The following NAA15 variants were observed in gnomAD, a reference collection of about 807,000 sequenced individuals.
The protein encoded by NAA15 is N-terminal acetyltransferase.
In NAA15, 34 loss-of-function variants were observed where a neutral mutation model predicts 114.0. The ratio of observed to expected loss-of-function variants is 0.30; its 90% CI spans 0.23 to 0.40. The LOEUF (loss-of-function observed/expected upper bound fraction) is 0.40. Among genes scored for constraint, NAA15 ranks in the 10% least tolerant of loss-of-function variants. The pLI is 1.00. For synonymous variants in NAA15, 340 were observed against 338.0 expected (o/e 1.01, Z -0.06); for missense variants, 658 against 1,004.5 (o/e 0.66, Z 4.66).
chr4:139,381,283 A>G (rs571266767), intron 17 of NAA15, among the ~76,000 whole-genome samples: 1 of 152,280 alleles, frequency 6.6e-6, no homozygotes, highest in East Asian at 1.9e-4. Flanking sequence ...ACTTAAAACA[A>G]TTACATTTCT....
intron 1 of NAA15, among the ~76,000 whole-genome samples, chr4:139,316,111 A>C (rs1314295571): frequency 6.6e-6 from 1 of 151,874 alleles, no homozygotes; most frequent in South Asian, 2.1e-4. Flanking sequence ...AAAGATTTAC[A>C]GATCTTTTCT....
intron 11 of NAA15, among the ~76,000 whole-genome samples, chr4:139,358,970 C>G (rs547991073): frequency 1.3e-5 from 2 of 151,792 alleles, no homozygotes; most frequent in African/African-American, 4.8e-5. Flanking sequence ...CAAAAATTAG[C>G]CAAGTGTGGT....
At chr4:139,327,237 AGTAAATCTT>A (rs1459549984) in intron 1 of NAA15, among the ~76,000 whole-genome samples, 3 of 151,848 alleles carry the variant, frequency 2.0e-5, no homozygotes, top group African/African-American at 7.3e-5. Context: ...GTGCCAGGCC[AGTAAATCTT>A]TGTTTGTTTA....
chr4:139,352,091 T>G (rs781487690), intron 9 of NAA15, among the ~76,000 whole-genome samples: 2 of 152,054 alleles, frequency 1.3e-5, no homozygotes, highest in Non-Finnish European at 2.9e-5. Flanking sequence ...TCAGAATGCT[T>G]CTTTAGAGGT....
rs951194670 is a variant in NAA15 at position 139,388,906 on chromosome 4, T to C, written c.*822T>C. The C allele has an allele frequency of 1.3e-5, 2 of 152,610 alleles. No individual in the cohort carries two copies. 9.5% of individuals were successfully genotyped at this position (152,610 alleles called of 1,614,324 possible). On this transcript the variant is annotated 3_prime_UTR_variant, in exon 20 of 20. Transcript: ENST00000296543. ...TGTGGCACCAACTAATTAGCAAGCA[T>C]GAATTTTTCACCCAAGAGTGAAAAA...
intron 1 of NAA15, among the ~76,000 whole-genome samples, chr4:139,329,412 A>T (rs1579097485): frequency 1.3e-5 from 2 of 152,114 alleles, no homozygotes; most frequent in South Asian, 4.2e-4. Context: ...TATAGGTTTT[A>T]TATTATTTTA....
chr4:139,346,544 C>CA (rs1281772692), intron 6 of NAA15, among the ~76,000 whole-genome samples: 64 of 134,796 alleles, frequency 4.7e-4, no homozygotes, highest in Middle Eastern at 3.5e-3. Context: ...CACAGTTAGG[C>CA]AAAAAAAAAA....
chr4:139,350,661 C>T (rs1490139871), intron 7 of NAA15, among the ~76,000 whole-genome samples: 3 of 152,140 alleles, frequency 2.0e-5, no homozygotes, highest in Non-Finnish European at 2.9e-5. Context: ...GATTTAGGAA[C>T]ACCAGCAAGG....
intron 16 of NAA15, among the ~76,000 whole-genome samples, chr4:139,377,030 A>G (rs965895095): frequency 2.6e-5 from 4 of 152,220 alleles, no homozygotes; most frequent in African/African-American, 9.6e-5. Context: ...TAGAATGCTT[A>G]GAATATATAT....
At chr4:139,342,398 A>G (rs1169996386) in intron 4 of NAA15, among the ~76,000 whole-genome samples, 1 of 151,448 alleles carries the variant, frequency 6.6e-6, no homozygotes, top group Non-Finnish European at 1.5e-5. Flanking sequence ...GCTACACAAT[A>G]TGGATGTTTG....
chr4:139,315,078 T>TAGTTTAGTTTAG (rs1253703101), intron 1 of NAA15, among the ~76,000 whole-genome samples: 6 of 144,984 alleles, frequency 4.1e-5, no homozygotes, highest in African/African-American at 1.3e-4. Context: ...TAGTTTAGTT[T>TAGTTTAGTTTAG]TTGAGACGGA....
intron 19 of NAA15, among the ~76,000 whole-genome samples, chr4:139,387,317 A>G (rs190453719): frequency 6.6e-6 from 1 of 152,322 alleles, no homozygotes; most frequent in Admixed American, 6.5e-5. Flanking sequence ...TGAAAGAATT[A>G]CTCATTTTCA....
At chr4:139,383,777 T>G (rs1328651056) in intron 17 of NAA15, among the ~76,000 whole-genome samples, 1 of 152,174 alleles carries the variant, frequency 6.6e-6, no homozygotes, top group African/African-American at 2.4e-5. Flanking sequence ...AGCCTATTTA[T>G]TAATAGGAAA....
intron 1 of NAA15, among the ~76,000 whole-genome samples, chr4:139,320,709 C>T (rs901123591): frequency 2.0e-5 from 3 of 152,166 alleles, no homozygotes; most frequent in East Asian, 1.9e-4. Context: ...TTAATAGAGA[C>T]GGGGTTTCAT....
At chr4:139,306,831 G>T (rs1746039404) in intron 1 of NAA15, among the ~76,000 whole-genome samples, 1 of 152,132 alleles carries the variant, frequency 6.6e-6, no homozygotes, top group Non-Finnish European at 1.5e-5. Context: ...ATTTTAACCT[G>T]CTTGGAAAAG....
chr4:139,373,851 A>G (rs1748510900), intron 15 of NAA15, among the ~76,000 whole-genome samples: 1 of 151,822 alleles, frequency 6.6e-6, no homozygotes, highest in Non-Finnish European at 1.5e-5. Flanking sequence ...GGCACATACC[A>G]CCACACCCAC....
chr4:139,310,930 A>ACTTT (rs1553992135), intron 1 of NAA15, among the ~76,000 whole-genome samples: 1 of 151,212 alleles, frequency 6.6e-6, no homozygotes, highest in African/African-American at 2.4e-5. Flanking sequence ...AATTTAAAAA[A>ACTTT]TTTTGAGACA....
intron 13 of NAA15, among the ~76,000 whole-genome samples, chr4:139,361,098 C>T (rs1345206239): frequency 6.6e-6 from 1 of 152,146 alleles, no homozygotes; most frequent in African/African-American, 2.4e-5. Flanking sequence ...ACGTCTGACT[C>T]ATTTCCATGA....
intron 5 of NAA15, among the ~76,000 whole-genome samples, chr4:139,343,812 T>C (rs11733825): frequency 0.035 from 5,405 of 152,316 alleles, 139 homozygotes; most frequent in Middle Eastern, 0.11. Context: ...CACCATCTAG[T>C]TTTAGCATTC....
Sources: gnomAD v4.1 joint callset for allele counts (sites outside exome capture counted in the v4.1 genomes callset) on GRCh38, gnomAD v4.1.1 for gene constraint, MANE v1.5 for transcripts, NCBI Gene and HGNC (gene_info 2026-07-23, HGNC 2026-07-21) for gene names.